The following IL1RAP variants were observed in gnomAD, a reference collection of about 807,000 sequenced individuals.
IL1RAP encodes the protein interleukin-1 receptor accessory protein.
Under a neutral mutation model 60.7 loss-of-function variants are expected in IL1RAP, and 35 were observed. The observed-to-expected ratio is 0.58, with a 90% CI of 0.44 to 0.76. The LOEUF is 0.76. IL1RAP is among the 30% of genes least tolerant of loss of function. The pLI is 0.00. For missense variants in IL1RAP, 572 were observed against 693.9 expected, an observed-to-expected ratio of 0.82 and a Z score of 1.97; for synonymous variants, 268 against 250.9, an observed-to-expected ratio of 1.07 and a Z score of -0.64.
chr3:190,537,575 A>G (rs1723574199), intron 1 of IL1RAP, among the ~76,000 whole-genome samples: 1 of 152,172 alleles, frequency 6.6e-6, no homozygotes, highest in African/African-American at 2.4e-5. Flanking sequence ...TTGATCTTAC[A>G]CAGTCTCATT....
At chr3:190,520,408 T>C (rs189456606) in intron 1 of IL1RAP, 1 of 152,164 alleles carries the variant, frequency 6.6e-6, no homozygotes, top group Non-Finnish European at 1.5e-5. Context: ...AATCAGACAA[T>C]GATAAGGAGT....
intron 9 of IL1RAP, among the ~76,000 whole-genome samples, chr3:190,633,193 A>G (rs529799788): frequency 6.6e-6 from 1 of 152,198 alleles, no homozygotes; most frequent in Non-Finnish European, 1.5e-5. Flanking sequence ...TGAAATCTTA[A>G]CAATACTGTA....
At chr3:190,540,560 G>A (rs950722966) in intron 1 of IL1RAP, among the ~76,000 whole-genome samples, 7 of 151,276 alleles carry the variant, frequency 4.6e-5, no homozygotes, top group African/African-American at 1.7e-4. Context: ...CTCCTAAGAA[G>A]TTCATTTTGC....
chr3:190,601,110 G>T (rs147230069), intron 3 of IL1RAP, among the ~76,000 whole-genome samples: 2 of 151,938 alleles, frequency 1.3e-5, no homozygotes, highest in Non-Finnish European at 2.9e-5. Context: ...TCAGCTTTCC[G>T]AGCAGCTGGA....
rs1261405625 is a variant in IL1RAP, at chr3:190,629,515, G to A, written c.1051+17G>A. 6.3e-7 allele frequency: 1 copy of A among 1,594,078 alleles called. No individual in the cohort carries two copies. The highest frequency in any genetic ancestry group is 1.8e-5 in the Admixed American group (1 of 55,392). On this transcript the variant is annotated intron_variant, in intron 9 of 11. Transcript: ENST00000447382. ...AGCAGAAAGGTAATAGATGCGGTCAGTGATGAATCTCTCAGCTCCAAATTA... is the reference window on the plus strand; with the variant it reads ...AGCAGAAAGGTAATAGATGCGGTCAATGATGAATCTCTCAGCTCCAAATTA...
At chr3:190,643,718 T>A (rs1733817704) in intron 9 of IL1RAP, among the ~76,000 whole-genome samples, 1 of 152,288 alleles carries the variant, frequency 6.6e-6, no homozygotes, top group South Asian at 2.1e-4. Context: ...GATTTCCAAG[T>A]AGAAAGGAAA....
At chr3:190,525,718 AACC>A (rs998001829) in intron 1 of IL1RAP, among the ~76,000 whole-genome samples, 2 of 152,218 alleles carry the variant, frequency 1.3e-5, no homozygotes, top group African/African-American at 4.8e-5. Context: ...GGAAAACAAA[AACC>A]CAGCTAAAAT....
intron 3 of IL1RAP, among the ~76,000 whole-genome samples, chr3:190,588,162 G>A (rs1728626491): frequency 6.6e-6 from 1 of 152,110 alleles, no homozygotes; most frequent in South Asian, 2.1e-4. Context: ...TTGCCAGGCT[G>A]GAGTGCAGTG....
intron 9 of IL1RAP, among the ~76,000 whole-genome samples, chr3:190,636,463 G>GT (rs142742329): frequency 0.022 from 3,339 of 151,956 alleles, 87 homozygotes; most frequent in African/African-American, 0.069. Flanking sequence ...TGAAATGTCC[G>GT]TTTTTTCTCT....
intron 7 of IL1RAP, 138 bp downstream of exon 7, chr3:190,623,553 A>G (rs4687162): frequency 0.71 from 508,096 of 714,956 alleles, 183,093 homozygotes; most frequent in East Asian, 0.82. Flanking sequence ...CAGAAACCAA[A>G]GCAGCTGTGG....
chr3:190,584,263 C>T (rs1250909965), intron 3 of IL1RAP, among the ~76,000 whole-genome samples: 1 of 152,120 alleles, frequency 6.6e-6, no homozygotes, highest in East Asian at 1.9e-4. Flanking sequence ...GTTGTTTATT[C>T]ATTCATTAGT....
chr3:190,570,792 C>G (rs1220189661), intron 3 of IL1RAP, among the ~76,000 whole-genome samples: 1 of 152,134 alleles, frequency 6.6e-6, no homozygotes, highest in Non-Finnish European at 1.5e-5. Flanking sequence ...TCTGGAACTC[C>G]TGACCTCAGG....
chr3:190,551,606 T>C (rs1408641473), intron 1 of IL1RAP, among the ~76,000 whole-genome samples: 1 of 152,222 alleles, frequency 6.6e-6, no homozygotes, highest in Non-Finnish European at 1.5e-5. Context: ...GTTTAGTTCT[T>C]GTTTTGCTTG....
At chr3:190,556,697 G>A (rs1372260220) in intron 2 of IL1RAP, among the ~76,000 whole-genome samples, 1 of 152,172 alleles carries the variant, frequency 6.6e-6, no homozygotes, top group Non-Finnish European at 1.5e-5. Context: ...ACAAAGTGTA[G>A]GGCATGGCAA....
intron 5 of IL1RAP, among the ~76,000 whole-genome samples, chr3:190,610,287 C>T (rs904873546): frequency 1.3e-5 from 2 of 152,018 alleles, no homozygotes; most frequent in Non-Finnish European, 2.9e-5. Flanking sequence ...GAAAAAACTA[C>T]TATTTCCTAA....
exon 12 of IL1RAP, chr3:190,659,343 G>A (rs1316781377): frequency 1.3e-5 from 2 of 152,108 alleles, no homozygotes; most frequent in African/African-American, 4.8e-5. Context: ...GACAATATAA[G>A]TGTAGTGGAA....
intron 4 of IL1RAP, among the ~76,000 whole-genome samples, chr3:190,605,716 A>C (rs1730268792): frequency 2.6e-5 from 4 of 152,092 alleles, no homozygotes; most frequent in African/African-American, 9.7e-5. Flanking sequence ...CCTTGTCTTT[A>C]CATGGTCTTC....
chr3:190,571,759 C>T (rs113271337), intron 3 of IL1RAP, among the ~76,000 whole-genome samples: 5,122 of 152,228 alleles, frequency 0.034, 277 homozygotes, highest in African/African-American at 0.11. Context: ...CCGTGGCCCG[C>T]GGGCCACATG....
chr3:190,632,102 T>C (rs1732840280), intron 9 of IL1RAP, among the ~76,000 whole-genome samples: 1 of 152,070 alleles, frequency 6.6e-6, no homozygotes, highest in African/African-American at 2.4e-5. Context: ...CACGCCCAGC[T>C]CATTGTTTTA....
Sources: allele counts gnomAD v4.1 joint callset (sites outside exome capture counted in the v4.1 genomes callset), GRCh38; gene constraint gnomAD v4.1.1; transcripts MANE v1.5; gene names NCBI Gene and HGNC (gene_info 2026-07-23, HGNC 2026-07-21).